NTM: variants seen among roughly 807,000 people sequenced by gnomAD.
NTM encodes the protein neurotrimin.
A neutral mutation model predicts 42.1 loss-of-function variants in NTM; 13 were observed. That is an observed-to-expected ratio of 0.31 (90% CI 0.20 to 0.49). The LOEUF (loss-of-function observed/expected upper bound fraction) is 0.49, where lower values mean the gene tolerates loss of function less well. Ranked by LOEUF, NTM falls within the 20% of genes least tolerant of loss-of-function variation. The pLI, the probability that NTM is intolerant of heterozygous loss-of-function variation, is 0.99. For synonymous variants in NTM, 187 were observed against 179.2 expected (o/e 1.04, Z -0.35); for missense variants, 373 against 452.8 (o/e 0.82, Z 1.60).
intron 1 of NTM, among the ~76,000 whole-genome samples, chr11:131,504,165 T>C (rs444328): frequency 0.77 from 117,296 of 152,018 alleles, 47,442 homozygotes; most frequent in East Asian, 0.98. Context: ...CCCCTGCCAG[T>C]CCCCTTTGAG....
chr11:131,918,694 G>C (rs887130903), intron 2 of NTM, among the ~76,000 whole-genome samples: 3 of 152,038 alleles, frequency 2.0e-5, no homozygotes, highest in African/African-American at 4.8e-5. Context: ...TCTCCCACTA[G>C]AGACCCAGTG....
At chr11:132,080,106 A>G (rs1286508110) in intron 2 of NTM, among the ~76,000 whole-genome samples, 1 of 152,178 alleles carries the variant, frequency 6.6e-6, no homozygotes, top group Non-Finnish European at 1.5e-5. Context: ...TATTAAATTC[A>G]TAGCCCCCAA....
chr11:132,085,355 A>C (rs575406346), intron 2 of NTM, among the ~76,000 whole-genome samples: 2 of 152,224 alleles, frequency 1.3e-5, no homozygotes, highest in South Asian at 2.1e-4. Flanking sequence ...ATAAAGTTTT[A>C]CTCCTTCTTG....
chr11:132,217,122 T>C (rs1041354119), intron 4 of NTM, among the ~76,000 whole-genome samples: 1 of 152,292 alleles, frequency 6.6e-6, no homozygotes, highest in Admixed American at 6.5e-5. Flanking sequence ...CTGGCCCTTT[T>C]GGTGCCTTGC....
intron 4 of NTM, among the ~76,000 whole-genome samples, chr11:132,281,109 T>C (rs1041332536): frequency 1.3e-5 from 2 of 152,218 alleles, no homozygotes; most frequent in African/African-American, 4.8e-5. Context: ...AAGTGCCACA[T>C]CAACATGGAG....
intron 1 of NTM, among the ~76,000 whole-genome samples, chr11:131,774,340 A>C (rs150794908): frequency 7.2e-5 from 11 of 152,288 alleles, no homozygotes; most frequent in African/African-American, 2.6e-4. Context: ...GGGGAAGCCC[A>C]TTCTTATCAT....
chr11:132,320,310 T>G (rs1037892933), intron 7 of NTM, among the ~76,000 whole-genome samples: 2 of 152,206 alleles, frequency 1.3e-5, no homozygotes, highest in African/African-American at 4.8e-5. Context: ...TGCAGGTCAG[T>G]GGGTGCACGC....
At chr11:131,636,848 A>C (rs576526558) in intron 1 of NTM, among the ~76,000 whole-genome samples, 1 of 152,318 alleles carries the variant, frequency 6.6e-6, no homozygotes, top group South Asian at 2.1e-4. Context: ...CATGGGCACT[A>C]ACCATGTTAG....
At chr11:131,371,820 T>C (rs1941236048) in intron 1 of NTM, among the ~76,000 whole-genome samples, 1 of 152,192 alleles carries the variant, frequency 6.6e-6, no homozygotes, top group Non-Finnish European at 1.5e-5. Flanking sequence ...GCCTCTTTTA[T>C]ATTAAACACA....
In NTM at chr11:131,770,514, G is replaced by T. The variant is rs77875369; in HGVS notation, c.83-141050G>T. Among the ~76,000 whole-genome samples the T allele has an allele frequency of 9.0e-3, 1,371 of 152,244 alleles. 14 individuals carry two copies. Among genetic ancestry groups the T allele is most frequent in the African/African-American group, 0.028 (1,162 of 41,556 alleles). On this transcript the variant is annotated intron_variant, in intron 1 of 8. Transcript: ENST00000683400. ...CTTAGGCAAGTCTGAGAGGAATTAG[G>T]TGTTTCCTTTCCAGGCACCAGGGTT...
chr11:132,257,683 G>C (rs927014110), intron 4 of NTM, among the ~76,000 whole-genome samples: 7 of 152,238 alleles, frequency 4.6e-5, no homozygotes, highest in Non-Finnish European at 1.0e-4. Context: ...TCATGAGATA[G>C]GAATTATTTT....
chr11:131,987,378 C>CTATT (rs1555206527), intron 2 of NTM, among the ~76,000 whole-genome samples: 2 of 147,800 alleles, frequency 1.4e-5, no homozygotes, highest in Non-Finnish European at 3.0e-5. Context: ...TCCTATTCCT[C>CTATT]CTATTCTATT....
At chr11:131,456,157 G>C (rs1950871869) in intron 1 of NTM, among the ~76,000 whole-genome samples, 1 of 152,198 alleles carries the variant, frequency 6.6e-6, no homozygotes, top group African/African-American at 2.4e-5. Flanking sequence ...TGATTAAGGA[G>C]CTGGCAAGCT....
intron 3 of NTM, among the ~76,000 whole-genome samples, chr11:132,189,942 C>T (rs191511442): frequency 3.3e-5 from 5 of 152,312 alleles, no homozygotes; most frequent in African/African-American, 1.2e-4. Context: ...GTCCTGCCTT[C>T]TAGAATCTCA....
At chr11:131,912,335 C>T (rs1181316345) in intron 2 of NTM, among the ~76,000 whole-genome samples, 1 of 152,148 alleles carries the variant, frequency 6.6e-6, no homozygotes, top group African/African-American at 2.4e-5. Flanking sequence ...ATGCAAAACT[C>T]GTCTACTGAA....
At chr11:131,633,064 T>C (rs965959043) in intron 1 of NTM, among the ~76,000 whole-genome samples, 4 of 152,202 alleles carry the variant, frequency 2.6e-5, no homozygotes, top group African/African-American at 9.6e-5. Flanking sequence ...GCCATTCTAA[T>C]CCACTTTGCC....
chr11:131,891,351 T>C (rs902346250), intron 1 of NTM, among the ~76,000 whole-genome samples: 2 of 152,088 alleles, frequency 1.3e-5, no homozygotes, highest in Non-Finnish European at 2.9e-5. Context: ...ATAGTGTTGA[T>C]TGACAGAGAT....
chr11:131,556,049 A>G lies in NTM; in HGVS notation c.82+185161A>G, dbSNP rs190524827. 5.3e-5 allele frequency among the ~76,000 whole-genome samples: 8 copies of G among 152,370 alleles called. 1 individual carries two copies. The highest frequency in any genetic ancestry group is 5.2e-4 in the Admixed American group (8 of 15,312). ...GTTTGCCAGAAAATGATAGTTTCATATCTTGTGGATGAAAGTTTGTGTTCT... is the reference window on the plus strand; with the variant it reads ...GTTTGCCAGAAAATGATAGTTTCATGTCTTGTGGATGAAAGTTTGTGTTCT... On this transcript the variant is annotated intron_variant, in intron 1 of 8. Coordinates refer to ENST00000683400, the MANE Select transcript of NTM (RefSeq NM_001352005.2).
intron 1 of NTM, among the ~76,000 whole-genome samples, chr11:131,901,862 T>C (rs781000840): frequency 5.8e-4 from 88 of 152,344 alleles, no homozygotes; most frequent in Admixed American, 1.7e-3. Context: ...CCTAAGACAC[T>C]CACAAGTTGC....
Sources: gnomAD v4.1 joint callset for allele counts (sites outside exome capture counted in the v4.1 genomes callset) on GRCh38, gnomAD v4.1.1 for gene constraint, MANE v1.5 for transcripts, NCBI Gene and HGNC (gene_info 2026-07-23, HGNC 2026-07-21) for gene names.